PLD5: variants seen among roughly 807,000 people sequenced by gnomAD.
PLD5 encodes the protein inactive phospholipase D5.
PLD5 carries 36 observed loss-of-function variants against 61.1 expected under a neutral mutation model. The observed-to-expected ratio is 0.59, with a 90% CI of 0.45 to 0.78. The LOEUF is 0.78. PLD5 is among the 30% of genes least tolerant of loss of function. The pLI is 0.00. For synonymous variants in PLD5, 243 were observed against 242.8 expected (o/e 1.00, Z -0.01); for missense variants, 515 against 644.4 (o/e 0.80, Z 2.17).
intron 5 of PLD5, among the ~76,000 whole-genome samples, chr1:242,198,343 G>T (rs7518558): frequency 9.9e-5 from 15 of 152,154 alleles, no homozygotes; most frequent in African/African-American, 1.2e-4. Flanking sequence ...TAAATGGCAC[G>T]AAATGCTTTT....
chr1:242,331,074 T>C (rs909483353), intron 2 of PLD5, among the ~76,000 whole-genome samples: 1 of 152,188 alleles, frequency 6.6e-6, no homozygotes, highest in African/African-American at 2.4e-5. Flanking sequence ...GGGTCAGATA[T>C]GCTATTTCCA....
intron 2 of PLD5, among the ~76,000 whole-genome samples, chr1:242,333,538 G>A (rs1659321172): frequency 6.6e-6 from 1 of 152,038 alleles, no homozygotes; most frequent in Admixed American, 6.5e-5. Flanking sequence ...CCAGGGACTG[G>A]TTACGGGAAA....
At position 242,265,974 on chromosome 1, in the gene PLD5, T is replaced by A. The variant is rs12022414; in HGVS notation, c.496-526A>T. On this transcript the variant is annotated intron_variant, in intron 3 of 9. Coordinates refer to ENST00000536534, the MANE Select transcript of PLD5 (RefSeq NM_001372062.1). ...GAATTAGCTGTTAAGAGGGAAATTA[T>A]GGTTACTAATCAGTGATTTACCTGA... Among the ~76,000 whole-genome samples, 130 of 152,400 alleles carry A rather than the reference T, an allele frequency of 8.5e-4. 3 individuals are homozygous for A. In the East Asian group the frequency reaches 0.02, roughly 23 times the overall value.
At chr1:242,319,467 A>T (rs1658244380) in intron 2 of PLD5, among the ~76,000 whole-genome samples, 1 of 151,904 alleles carries the variant, frequency 6.6e-6, no homozygotes, top group Non-Finnish European at 1.5e-5. Flanking sequence ...TGGGACCCCA[A>T]ACTCTCTAAG....
Position 242,348,099 on chromosome 1 carries a change from C to T in PLD5, c.326+7G>A. 6.2e-7 allele frequency: 1 copy of T among 1,612,642 alleles called. No individual in the cohort carries two copies. ...CTAAAAGAGAATTTTTGTTTGTTAC[C>T]TCTTACCGACATTTATTTTGGCAAT... On this transcript the variant is annotated splice_region_variant and intron_variant, in intron 2 of 9. Transcript: ENST00000536534.
At chr1:242,459,852 G>T (rs1667061882) in intron 1 of PLD5, among the ~76,000 whole-genome samples, 1 of 152,086 alleles carries the variant, frequency 6.6e-6, no homozygotes, top group Admixed American at 6.5e-5. Context: ...AGGGATGCAT[G>T]GGGGGCGCCT....
chr1:242,463,817 C>A (rs1667194289), intron 1 of PLD5, among the ~76,000 whole-genome samples: 1 of 151,986 alleles, frequency 6.6e-6, no homozygotes, highest in Admixed American at 6.6e-5. Context: ...CACTCATTAG[C>A]ATACAGAATA....
chr1:242,529,778 T>TCTTC, the PLD5 span, among the ~76,000 whole-genome samples: 6,948 of 129,772 alleles, frequency 0.054, 229 homozygotes, highest in Middle Eastern at 0.071. Context: ...GGCACTGGGA[T>TCTTC]CTTCCTTCCT....
chr1:242,516,812 C>T (rs1373268439), intron 1 of PLD5, among the ~76,000 whole-genome samples: 4 of 152,146 alleles, frequency 2.6e-5, no homozygotes, highest in Non-Finnish European at 5.9e-5. Context: ...TTTGCATTGC[C>T]ATATAAATTT....
chr1:242,404,436 AG>A (rs1453177446), intron 1 of PLD5, among the ~76,000 whole-genome samples: 1 of 152,178 alleles, frequency 6.6e-6, no homozygotes, highest in African/African-American at 2.4e-5. Context: ...TCAAATGCAC[AG>A]AATCTGTCAG....
At chr1:242,151,520 C>A (rs1263178231) in intron 5 of PLD5, among the ~76,000 whole-genome samples, 1 of 151,974 alleles carries the variant, frequency 6.6e-6, no homozygotes, top group Non-Finnish European at 1.5e-5. Context: ...CAAAAGTAGG[C>A]TCCTCTAACT....
chr1:242,515,409 C>T (rs1389614529), intron 1 of PLD5, among the ~76,000 whole-genome samples: 10 of 152,196 alleles, frequency 6.6e-5, no homozygotes, highest in Admixed American at 6.5e-4. Context: ...GATGAGGTTT[C>T]ACCATGTTGG....
At chr1:242,321,829 A>G (rs972823757) in intron 2 of PLD5, among the ~76,000 whole-genome samples, 2 of 151,964 alleles carry the variant, frequency 1.3e-5, no homozygotes, top group African/African-American at 4.8e-5. Context: ...CAATTAATCA[A>G]CCTTTTGTGA....
chr1:242,206,465 G>A (rs1669318292), intron 5 of PLD5, among the ~76,000 whole-genome samples: 1 of 152,146 alleles, frequency 6.6e-6, no homozygotes, highest in African/African-American at 2.4e-5. Context: ...ACGATGTGAG[G>A]GTTAGAGGCA....
chr1:242,253,433 C>A (rs1360313042), intron 4 of PLD5, among the ~76,000 whole-genome samples: 1 of 151,600 alleles, frequency 6.6e-6, no homozygotes, highest in Non-Finnish European at 1.5e-5. Context: ...CCTGCCTCAG[C>A]CTCCCAAGTA....
rs116467338 is a variant in PLD5, at chr1:242,442,334, C to T, written c.189+81754G>A. Among the ~76,000 whole-genome samples, 1,473 of 152,190 alleles carry T rather than the reference C, an allele frequency of 9.7e-3. 19 individuals are homozygous for T. The highest frequency in any genetic ancestry group is 0.028 in the African/African-American group (1,176 of 41,520). On this transcript the variant is annotated intron_variant, in intron 1 of 9. Coordinates refer to ENST00000536534, the MANE Select transcript of PLD5 (RefSeq NM_001372062.1). ...AAGTTCTAAAACATCTCTCAAATTC[C>T]GCCACTGCTAGTAGTGTGGTGAGCA...
intron 2 of PLD5, among the ~76,000 whole-genome samples, chr1:242,296,610 A>G (rs1228415497): frequency 6.6e-6 from 1 of 152,182 alleles, no homozygotes; most frequent in Non-Finnish European, 1.5e-5. Context: ...GCTGAGATGT[A>G]TATTTCACTT....
intron 1 of PLD5, among the ~76,000 whole-genome samples, chr1:242,514,329 C>T (rs929394483): frequency 1.3e-5 from 2 of 152,214 alleles, no homozygotes; most frequent in African/African-American, 4.8e-5. Context: ...GGCAGCTCTT[C>T]CTCCAGGTCC....
intron 5 of PLD5, among the ~76,000 whole-genome samples, chr1:242,167,595 C>T (rs1019446862): frequency 6.6e-6 from 1 of 152,150 alleles, no homozygotes; most frequent in Non-Finnish European, 1.5e-5. Flanking sequence ...TTTATGGAAC[C>T]TTTAATAACT....
Sources: gnomAD v4.1 joint callset for allele counts (sites outside exome capture counted in the v4.1 genomes callset) on GRCh38, gnomAD v4.1.1 for gene constraint, MANE v1.5 for transcripts, NCBI Gene and HGNC (gene_info 2026-07-23, HGNC 2026-07-21) for gene names.